The following CAMKK1 variants were observed in gnomAD, a reference collection of about 807,000 sequenced individuals.
The protein encoded by CAMKK1 is calcium/calmodulin-dependent protein kinase kinase 1.
CAMKK1 carries 20 observed loss-of-function variants against 63.5 expected under a neutral mutation model. The ratio of observed to expected loss-of-function variants is 0.32; its 90% CI spans 0.22 to 0.46. The LOEUF (loss-of-function observed/expected upper bound fraction) is 0.46. CAMKK1 is among the 20% of genes least tolerant of loss of function. CAMKK1 has a pLI of 1.00. For synonymous variants in CAMKK1, 253 were observed against 269.0 expected, an observed-to-expected ratio of 0.94 and a Z score of 0.58; for missense variants, 588 against 658.1, an observed-to-expected ratio of 0.89 and a Z score of 1.17.
At position 3,890,022 on chromosome 17, in the gene CAMKK1, G is replaced by A. The variant is rs561663893; in HGVS notation, c.-44+2917C>T. Among the ~76,000 whole-genome samples the A allele has an allele frequency of 8.5e-5, 13 of 152,346 alleles. No homozygotes were observed. Among genetic ancestry groups the A allele is most frequent in the Middle Eastern group, 3.4e-3 (1 of 294 alleles). On this transcript the variant is annotated intron_variant, in intron 1 of 15. Coordinates refer to ENST00000348335, the MANE Select transcript of CAMKK1 (RefSeq NM_032294.3). The surrounding 1 kb of genome is among the most constrained non-coding windows in gnomAD (Gnocchi z 6.5). ...GGGACCAGCTACATCCAGGCGAGGG[G>A]ATGGACAGCCGTGACCAGCAGAGGA...
chr17:3,864,602 G>A (rs1202497497), intron 15 of CAMKK1, among the ~76,000 whole-genome samples: 1 of 152,116 alleles, frequency 6.6e-6, no homozygotes, highest in African/African-American at 2.4e-5. Context: ...TCCCCATTTG[G>A]ACGTCAAATT....
chr17:3,868,323 C>T (rs905409226), intron 14 of CAMKK1, among the ~76,000 whole-genome samples: 3 of 150,360 alleles, frequency 2.0e-5, no homozygotes, highest in East Asian at 2.0e-4. Context: ...CTAACTGATA[C>T]ACAGGATCTG....
rs373738159 is a variant in CAMKK1, at chr17:3,882,611, G to T, written c.649-47C>A. On this transcript the variant is annotated intron_variant, in intron 6 of 15. Coordinates refer to ENST00000348335, the MANE Select transcript of CAMKK1 (RefSeq NM_032294.3). The surrounding 1 kb of genome is among the most constrained non-coding windows in gnomAD (Gnocchi z 4.3). ...GGGGGTGGGGCTTGAGGAGGCGTGG[G>T]GTTGGAGGTCCCAGGCCTCCTGGTC... The T allele has an allele frequency of 1.3e-6, 2 of 1,556,696 alleles. No individual in the cohort carries two copies. Among genetic ancestry groups the T allele is most frequent in the Non-Finnish European group, 1.7e-6 (2 of 1,145,966 alleles).
At chr17:3,864,265 G>A (rs2054427700) in intron 15 of CAMKK1, among the ~76,000 whole-genome samples, 1 of 150,058 alleles carries the variant, frequency 6.7e-6, no homozygotes, top group African/African-American at 2.5e-5. Flanking sequence ...ATTATTTTTT[G>A]AGACGGAGTC....
At chr17:3,877,307 G>A (rs2055210494) in intron 9 of CAMKK1, among the ~76,000 whole-genome samples, 1 of 152,174 alleles carries the variant, frequency 6.6e-6, no homozygotes, top group East Asian at 1.9e-4. Flanking sequence ...GGACAAGCAG[G>A]ATGACACAGC....
At chr17:3,865,054 G>A (rs900347934) in intron 15 of CAMKK1, 10 of 888,978 alleles carry the variant, frequency 1.1e-5, no homozygotes, top group African/African-American at 1.8e-5. Flanking sequence ...GCTTCCCTCC[G>A]GGGCCAGAGG....
rs920884353 is a variant in CAMKK1, at chr17:3,870,935, C to T, written c.1125-1047G>A. Among the ~76,000 whole-genome samples the T allele has an allele frequency of 1.1e-4, 17 of 152,182 alleles. 1 individual carries two copies. Among genetic ancestry groups the T allele is most frequent in the South Asian group, 4.2e-4 (2 of 4,808 alleles). On this transcript the variant is annotated intron_variant, in intron 12 of 15. Transcript: ENST00000348335. Reference sequence around the variant, plus strand: ...GGACAGAAGCCAGCTGGCTGGTGCTCGGGAAAGGGAGTGAGGCGGCCCCAG... The same window carrying T: ...GGACAGAAGCCAGCTGGCTGGTGCTTGGGAAAGGGAGTGAGGCGGCCCCAG...
At chr17:3,881,741 A>G (rs2055419347) in intron 7 of CAMKK1, 93 bp from the exon 8 acceptor site, 9 of 1,115,724 alleles carry the variant, frequency 8.1e-6, no homozygotes, top group African/African-American at 1.5e-5. Flanking sequence ...GAGAGGGGGC[A>G]GGCATGCAGG....
intron 9 of CAMKK1, among the ~76,000 whole-genome samples, chr17:3,876,745 T>G (rs562879493): frequency 3.9e-4 from 52 of 132,904 alleles, no homozygotes; most frequent in East Asian, 3.7e-3. Context: ...GTTGTTGCTG[T>G]TTTTTTTTTT....
intron 1 of CAMKK1, among the ~76,000 whole-genome samples, chr17:3,885,978 C>T (rs1481602321): frequency 6.6e-6 from 1 of 152,228 alleles, no homozygotes; most frequent in Non-Finnish European, 1.5e-5. Context: ...TGCCTGCTGG[C>T]TTCACAGGGA....
chr17:3,876,094 A>T (rs553210634), intron 10 of CAMKK1, 129 bp downstream of exon 10: 74 of 866,644 alleles, frequency 8.5e-5, no homozygotes, highest in African/African-American at 5.3e-4. Flanking sequence ...TCAGGCTCCA[A>T]GGAAGAGGCA....
At chr17:3,863,607 C>T (rs529903901) in intron 15 of CAMKK1, among the ~76,000 whole-genome samples, 287 of 152,214 alleles carry the variant, frequency 1.9e-3, no homozygotes, top group African/African-American at 6.6e-3. Flanking sequence ...GGTGTGGTGG[C>T]TCATGCCTGT....
Position 3,872,619 on chromosome 17 carries a change from G to T in CAMKK1, c.1059C>A (p.Phe353Leu). Residue 353 changes from phenylalanine to leucine, a missense_variant, in exon 12 of 16, where the codon TTC (phenylalanine) becomes TTA (leucine). This residue lies in a region of CAMKK1 where 226 missense variants were observed against 229.2 expected (regional missense o/e 0.99). Transcript: ENST00000348335. ...GGAGGGCCAGGATGAAATCGTCGAT[G>T]AATGGGCACTGTGGGGTGGAGAGGC... Reference protein sequence around the residue: ...LYCFVYGKCPFIDDFILALHR... With the variant: ...LYCFVYGKCPLIDDFILALHR... 1 of 1,613,958 alleles carries T rather than the reference G, an allele frequency of 6.2e-7. No individual in the cohort carries two copies. The highest frequency in any genetic ancestry group is 2.2e-5 in the East Asian group (1 of 44,884).
At position 3,873,390 on chromosome 17, in the gene CAMKK1, T is replaced by G. The variant is rs2054984513; in HGVS notation, c.1050+19A>C. On this transcript the variant is annotated intron_variant, in intron 11 of 15. Transcript: ENST00000348335. ...CTCACTGGACCCGCCCCAGCTCTGCTGGCATCCCTGGCACTCACCTTCCCA... is the reference window on the plus strand; with the variant it reads ...CTCACTGGACCCGCCCCAGCTCTGCGGGCATCCCTGGCACTCACCTTCCCA... 3 of 1,613,120 alleles carry G rather than the reference T, an allele frequency of 1.9e-6. No individual in the cohort carries two copies. Among genetic ancestry groups the G allele is most frequent in the African/African-American group, 2.7e-5 (2 of 75,032 alleles).
At chr17:3,874,850 G>GCA (rs1308317593) in intron 10 of CAMKK1, among the ~76,000 whole-genome samples, 1 of 151,914 alleles carries the variant, frequency 6.6e-6, no homozygotes, top group Non-Finnish European at 1.5e-5. Flanking sequence ...GGCTGGGCGT[G>GCA]GTGGCTCACA....
Position 3,865,906 on chromosome 17 carries a change from A to G in CAMKK1, c.1445+2T>C. On this transcript the variant is annotated splice_donor_variant, in intron 15 of 15. Coordinates refer to ENST00000348335, the MANE Select transcript of CAMKK1 (RefSeq NM_032294.3). LOFTEE classifies it high-confidence loss of function. ...GGCAGTCCCTGGCCCACCAGTACTT[A>G]CACCAGTAGGTTTCCTGGAGCAGAC... 6.2e-7 allele frequency: 1 copy of G among 1,614,054 alleles called. No homozygotes were observed. The highest frequency in any genetic ancestry group is 1.7e-5 in the Admixed American group (1 of 60,016).
At chr17:3,870,072 C>G (rs570684661) in intron 12 of CAMKK1, among the ~76,000 whole-genome samples, 184 bp from the exon 13 acceptor site, 7 of 152,292 alleles carry the variant, frequency 4.6e-5, no homozygotes, top group South Asian at 4.1e-4. Context: ...CCCTCCAGGA[C>G]AGAGGCACAG....
intron 1 of CAMKK1, 90 bp from the exon 2 acceptor site, chr17:3,885,820 T>G: frequency 7.5e-7 from 1 of 1,326,142 alleles, no homozygotes; most frequent in East Asian, 2.4e-5. Context: ...CCCACCTCCA[T>G]GCCTTTGCCC....
rs2054315223 is a variant in CAMKK1, at chr17:3,860,880, C to G, written c.*1331G>C. 6.6e-6 allele frequency: 1 copy of G among 152,318 alleles called. No homozygotes were observed. Among genetic ancestry groups the G allele is most frequent in the Non-Finnish European group, 1.5e-5 (1 of 68,104 alleles). The allele number at this position is 152,318 out of a possible 1,614,324, so 9.4% of individuals were successfully genotyped here. On this transcript the variant is annotated 3_prime_UTR_variant, in exon 16 of 16. Coordinates refer to ENST00000348335, the MANE Select transcript of CAMKK1 (RefSeq NM_032294.3). ...CCAGCCTCCCTTCTCCAAACAAGCC[C>G]TCCTCCAACAGGACACCCACACCTG...
Sources: gnomAD v4.1 joint callset for allele counts (sites outside exome capture counted in the v4.1 genomes callset) on GRCh38, gnomAD v4.1.1 for gene constraint, gnomAD v4.1.1 regional missense constraint, Gnocchi (gnomAD v3.1) non-coding constraint, MANE v1.5 for transcripts, NCBI Gene and HGNC (gene_info 2026-07-23, HGNC 2026-07-21) for gene names.